The following WDR5 variants were observed in gnomAD, a reference collection of about 807,000 sequenced individuals.
The protein encoded by WDR5 is WD repeat domain 5.
For missense variants in WDR5, 187 were observed against 416.9 expected, an observed-to-expected ratio of 0.45 and a Z score of 4.80; for synonymous variants, 144 against 161.6, an observed-to-expected ratio of 0.89 and a Z score of 0.83.
rs1362334613 is a variant in WDR5, at chr9:134,159,592, C to G, written c.*1599C>G. The G allele has an allele frequency of 6.6e-6, 1 of 152,080 alleles. No individual in the cohort carries two copies. Among genetic ancestry groups the G allele is most frequent in the Non-Finnish European group, 1.5e-5 (1 of 68,014 alleles). The allele number at this position is 152,080 out of a possible 1,614,324, so 9.4% of individuals were successfully genotyped here. On this transcript the variant is annotated 3_prime_UTR_variant, in exon 14 of 14. Transcript: ENST00000358625. The surrounding 1 kb of genome is among the most constrained non-coding windows in gnomAD (Gnocchi z 4.3). The stretch of plus-strand genomic sequence containing the variant: ...ATCTGAGGCATCTGGAGATGTATAT[C>G]CTGTGGTTTCCCCTGCCCCTCTGTT...
Position 134,155,784 on chromosome 9 carries a change from T to G in WDR5, c.816+17T>G. On this transcript the variant is annotated intron_variant, in intron 12 of 13. Coordinates refer to ENST00000358625, the MANE Select transcript of WDR5 (RefSeq NM_017588.3). Reference sequence around the variant, plus strand: ...GGTGGGAAGGTGAGTCTCATAACCTTGAAGCGTCTCACCTGTTCCCAGCTT... The same window carrying G: ...GGTGGGAAGGTGAGTCTCATAACCTGGAAGCGTCTCACCTGTTCCCAGCTT... 6.2e-7 allele frequency: 1 copy of G among 1,612,810 alleles called. No individual in the cohort carries two copies. The highest frequency in any genetic ancestry group is 8.5e-7 in the Non-Finnish European group (1 of 1,178,990).
intron 8 of WDR5, among the ~76,000 whole-genome samples, chr9:134,149,622 A>G (rs1446122067): frequency 6.6e-6 from 1 of 152,204 alleles, no homozygotes; most frequent in African/African-American, 2.4e-5. Context: ...AGAATTACTC[A>G]TGGACCTGGC....
At chr9:134,154,345 C>T (rs1832651515) in intron 9 of WDR5, 121 bp from the exon 10 acceptor site, 1 of 992,082 alleles carries the variant, frequency 1.0e-6, no homozygotes, top group Non-Finnish European at 1.6e-6. Flanking sequence ...GGTGCTGGCA[C>T]TGATGGTGGT....
At chr9:134,152,294 G>A (rs896980367) in intron 9 of WDR5, among the ~76,000 whole-genome samples, 20 of 152,360 alleles carry the variant, frequency 1.3e-4, no homozygotes, top group Admixed American at 3.3e-4. Flanking sequence ...GCCTCACTCC[G>A]GCTGCTCACT....
At chr9:134,138,585 C>G (rs560099067) in intron 1 of WDR5, among the ~76,000 whole-genome samples, 18 of 152,328 alleles carry the variant, frequency 1.2e-4, no homozygotes, top group African/African-American at 4.1e-4. Context: ...CTCTCCCCCT[C>G]TCTTGTACTG....
intron 9 of WDR5, 87 bp from the exon 10 acceptor site, chr9:134,154,379 A>T: frequency 7.3e-7 from 1 of 1,371,958 alleles, no homozygotes; most frequent in Non-Finnish European, 1.0e-6. Flanking sequence ...CAGATGTCGC[A>T]CGTGGGGGAT....
chr9:134,156,569 G>T lies in WDR5; in HGVS notation c.880G>T (p.Val294Leu). 3.7e-6 allele frequency: 6 copies of T among 1,614,222 alleles called. No individual in the cohort carries two copies. The highest frequency in any genetic ancestry group is 5.1e-6 in the Non-Finnish European group (6 of 1,180,042). The change falls in exon 13 of 14, where the codon GTA (valine) becomes TTA (leucine). Residue 294 changes from valine to leucine, a missense_variant. Physicochemically the swap from Val to Leu is conservative, Grantham distance 32. Transcript: ENST00000358625. ...CTGGAACCTTCAGACGAAAGAGATTGTACAGAAACTACAAGGCCACACAGG... is the reference window on the plus strand; with the variant it reads ...CTGGAACCTTCAGACGAAAGAGATTTTACAGAAACTACAAGGCCACACAGG... ...YIWNLQTKEI[V>L]QKLQGHTDVV... is the part of the protein sequence containing the mutation.
At chr9:134,136,529 C>T (rs904254555) in intron 1 of WDR5, among the ~76,000 whole-genome samples, 1 of 152,194 alleles carries the variant, frequency 6.6e-6, no homozygotes. Flanking sequence ...TCGCCCCTCT[C>T]CCTCCACTGC....
intron 8 of WDR5, among the ~76,000 whole-genome samples, chr9:134,149,854 C>G (rs1443308074): frequency 6.6e-6 from 1 of 152,218 alleles, no homozygotes; most frequent in Non-Finnish European, 1.5e-5. Flanking sequence ...AAGCCTCCGT[C>G]CAGCCTGAGC....
intron 7 of WDR5, among the ~76,000 whole-genome samples, chr9:134,145,392 C>T (rs553515201): frequency 6.0e-4 from 92 of 152,338 alleles, no homozygotes; most frequent in African/African-American, 1.9e-3. Flanking sequence ...AGCCGCTGCG[C>T]CTGGCCTGGG....
At chr9:134,150,461 A>G (rs775852550) in intron 8 of WDR5, among the ~76,000 whole-genome samples, 1 of 152,148 alleles carries the variant, frequency 6.6e-6, no homozygotes, top group Non-Finnish European at 1.5e-5. Context: ...TAATTTTCAC[A>G]TGTGGCGACA....
chr9:134,148,154 GAAAACAAA>G, intron 7 of WDR5, 126 bp from the exon 8 acceptor site: 1 of 724,606 alleles, frequency 1.4e-6, no homozygotes, highest in Non-Finnish European at 2.1e-6. Context: ...GACTCTTTCT[GAAAACAAA>G]CAAACAAAAA....
At chr9:134,147,379 G>C (rs116057178) in intron 7 of WDR5, among the ~76,000 whole-genome samples, 138 of 152,264 alleles carry the variant, frequency 9.1e-4, no homozygotes, top group African/African-American at 3.1e-3. Flanking sequence ...TGCCATAGTA[G>C]CTCACCGGTG....
At chr9:134,142,060 T>C in intron 5 of WDR5, 22 bp downstream of exon 5, 1 of 1,610,814 alleles carries the variant, frequency 6.2e-7, no homozygotes, top group Non-Finnish European at 8.5e-7. Flanking sequence ...TCAGTGCTTC[T>C]CTCCAGGGGA....
intron 9 of WDR5, 112 bp downstream of exon 9, chr9:134,152,141 C>T: frequency 7.8e-7 from 1 of 1,284,512 alleles, no homozygotes; most frequent in Non-Finnish European, 1.1e-6. Context: ...GGGTCCGCCC[C>T]TGCAGGAGGA....
intron 5 of WDR5, 91 bp from the exon 6 acceptor site, chr9:134,142,242 G>A (rs1831933015): frequency 2.1e-6 from 3 of 1,415,236 alleles, no homozygotes; most frequent in South Asian, 2.4e-5. Flanking sequence ...CATCAGGCAT[G>A]CTTTGGGATG....
chr9:134,138,869 C>T (rs999095500), intron 1 of WDR5, among the ~76,000 whole-genome samples: 3 of 152,162 alleles, frequency 2.0e-5, no homozygotes, highest in Non-Finnish European at 2.9e-5. Flanking sequence ...TCTGGGATTC[C>T]GATGGCCAGT....
At chr9:134,154,609 C>T (rs905881359) in intron 10 of WDR5, 68 bp downstream of exon 10, 45 of 1,554,868 alleles carry the variant, frequency 2.9e-5, no homozygotes, top group African/African-American at 5.4e-5. Flanking sequence ...TGCGTGCCAG[C>T]GTGAGCCTTT....
intron 8 of WDR5, among the ~76,000 whole-genome samples, chr9:134,151,309 T>C (rs1347575669): frequency 6.6e-6 from 1 of 152,078 alleles, no homozygotes; most frequent in East Asian, 1.9e-4. Context: ...GGCTTCTCCA[T>C]GGGTGAGAGA....
Sources: allele counts gnomAD v4.1 joint callset (sites outside exome capture counted in the v4.1 genomes callset), GRCh38; gene constraint gnomAD v4.1.1; non-coding constraint Gnocchi (gnomAD v3.1); transcripts MANE v1.5; gene names NCBI Gene and HGNC (gene_info 2026-07-23, HGNC 2026-07-21).